Variants in BABAM2 observed in about 807,000 individuals in gnomAD.
The protein encoded by BABAM2 is BRISC and BRCA1-A complex member 2.
In BABAM2, 31 loss-of-function variants were observed where a neutral mutation model predicts 54.7. The ratio of observed to expected loss-of-function variants is 0.57; its 90% CI spans 0.43 to 0.77. The LOEUF (loss-of-function observed/expected upper bound fraction) is 0.77, where lower values mean the gene tolerates loss of function less well. Among genes scored for constraint, BABAM2 ranks in the 30% least tolerant of loss-of-function variants. The pLI, the probability that BABAM2 is intolerant of heterozygous loss-of-function variation, is 0.00. For missense variants in BABAM2, 364 were observed against 455.8 expected (o/e 0.80, Z 1.83); for synonymous variants, 167 against 162.9 (o/e 1.03, Z -0.19).
At chr2:27,890,152 C>T (rs1417582892), upstream of BABAM2, 3 of 1,012,860 alleles carry the variant, frequency 3.0e-6, no homozygotes, top group Non-Finnish European at 4.5e-6. This position sits in a 1 kb window ranked among gnomAD's most constrained non-coding sequence, Gnocchi z 4.8. Context: ...AAAGCTAGCA[C>T]TGTCTATCCC....
chr2:28,085,322 G>A (rs944111962), intron 6 of BABAM2, among the ~76,000 whole-genome samples: 5 of 152,104 alleles, frequency 3.3e-5, no homozygotes, highest in Non-Finnish European at 7.4e-5. Context: ...AATCTTTTAA[G>A]TCCACCAAAA....
chr2:28,108,498 T>C (rs143225729), intron 6 of BABAM2, among the ~76,000 whole-genome samples: 4 of 152,348 alleles, frequency 2.6e-5, no homozygotes, highest in East Asian at 1.9e-4. Flanking sequence ...ATTAAAGAAA[T>C]ATTCTTACTA....
Position 27,911,225 on chromosome 2 carries a change from C to T in BABAM2, c.128+16541C>T, listed in dbSNP as rs1404729606. On this transcript the variant is annotated intron_variant, in intron 2 of 11. Transcript: ENST00000379624. ...TTAGTAGTGTGGGAACAGACTAATA[C>T]ACTAGTATTATGAATAGTGCCATTT... Among the ~76,000 whole-genome samples, 5 of 152,144 alleles carry T rather than the reference C, an allele frequency of 3.3e-5. No homozygotes were observed. In the South Asian group the frequency reaches 6.2e-4, roughly 19 times the overall value.
intron 6 of BABAM2, among the ~76,000 whole-genome samples, chr2:28,086,185 A>T (rs1195645588): frequency 6.6e-6 from 1 of 152,224 alleles, no homozygotes; most frequent in Non-Finnish European, 1.5e-5. Flanking sequence ...TAGATGGAAG[A>T]ATTTGAATCT....
intron 5 of BABAM2, among the ~76,000 whole-genome samples, chr2:28,043,734 A>AC (rs1290672169): frequency 6.6e-6 from 1 of 152,086 alleles, no homozygotes; most frequent in Non-Finnish European, 1.5e-5. Flanking sequence ...CCAAAACCAC[A>AC]CCTTTTGGTA....
intron 7 of BABAM2, among the ~76,000 whole-genome samples, chr2:28,162,547 T>C (rs976533480): frequency 3.9e-5 from 6 of 152,224 alleles, no homozygotes; most frequent in Non-Finnish European, 8.8e-5. Context: ...CAGCGAATGA[T>C]AGCTCTTCCT....
chr2:28,226,870 A>T (rs1680938033), intron 7 of BABAM2, among the ~76,000 whole-genome samples: 1 of 151,978 alleles, frequency 6.6e-6, no homozygotes, highest in African/African-American at 2.4e-5. Flanking sequence ...TCTTAGGCCA[A>T]CCAGGCCAAT....
intron 7 of BABAM2, among the ~76,000 whole-genome samples, chr2:28,153,446 T>C (rs992834535): frequency 6.6e-6 from 1 of 152,244 alleles, no homozygotes; most frequent in African/African-American, 2.4e-5. Flanking sequence ...TTGTCTTTGG[T>C]CAAAACTTTG....
rs199528761 is a variant in BABAM2 at position 28,256,151 on chromosome 2, A to G, written c.934+11289A>G. Among the ~76,000 whole-genome samples the G allele has an allele frequency of 3.1e-4, 47 of 152,348 alleles. No homozygotes were observed. In the East Asian group the frequency reaches 8.5e-3, roughly 27 times the overall value. ...GTTATGATATAGAGATGTATCTATA[A>G]TCAGATATATCATTTCTTTAGCAGA... On this transcript the variant is annotated intron_variant, in intron 10 of 11. Coordinates refer to ENST00000379624, the MANE Select transcript of BABAM2 (RefSeq NM_199191.3).
intron 6 of BABAM2, among the ~76,000 whole-genome samples, chr2:28,095,230 G>C (rs540559531): frequency 6.6e-6 from 1 of 152,232 alleles, no homozygotes; most frequent in South Asian, 2.1e-4. Flanking sequence ...GAGTGGCAAA[G>C]CCAGGACATA....
chr2:28,318,333 C>G (rs112711092), intron 11 of BABAM2, among the ~76,000 whole-genome samples: 16 of 152,358 alleles, frequency 1.1e-4, no homozygotes, highest in African/African-American at 3.6e-4. Context: ...TATTGGAACA[C>G]AGCCATACCC....
At chr2:27,920,225 A>G (rs1667252608) in intron 2 of BABAM2, among the ~76,000 whole-genome samples, 1 of 152,192 alleles carries the variant, frequency 6.6e-6, no homozygotes, top group Non-Finnish European at 1.5e-5. Context: ...AAAAAGGTCT[A>G]AGACTTGACC....
At chr2:28,237,456 A>G (rs1416961416) in intron 8 of BABAM2, among the ~76,000 whole-genome samples, 155 bp downstream of exon 8, 1 of 152,098 alleles carries the variant, frequency 6.6e-6, no homozygotes, top group Non-Finnish European at 1.5e-5. Flanking sequence ...AATTACAGTT[A>G]ATCTGTTTCT....
chr2:28,026,841 T>TTTATATATATATAG (rs1464853005), intron 5 of BABAM2, among the ~76,000 whole-genome samples: 15 of 43,270 alleles, frequency 3.5e-4, no homozygotes, highest in South Asian at 1.2e-3. Flanking sequence ...TAAATATATA[T>TTTATATATATATAG]AAATATATAT....
intron 7 of BABAM2, among the ~76,000 whole-genome samples, chr2:28,232,667 G>A (rs1346935763): frequency 6.6e-6 from 1 of 152,160 alleles, no homozygotes; most frequent in Non-Finnish European, 1.5e-5. Flanking sequence ...GTAAGTATTT[G>A]TGTGTCTAAA....
intron 6 of BABAM2, among the ~76,000 whole-genome samples, chr2:28,058,870 C>T (rs1425189339): frequency 6.6e-6 from 1 of 152,064 alleles, no homozygotes; most frequent in Admixed American, 6.6e-5. Context: ...ATGTATTTTA[C>T]AAATCCATCA....
intron 5 of BABAM2, among the ~76,000 whole-genome samples, chr2:28,040,994 T>A (rs886789517): frequency 1.3e-5 from 2 of 152,206 alleles, no homozygotes; most frequent in Non-Finnish European, 2.9e-5. Context: ...AAATAGCTGG[T>A]AGAATAAAAA....
intron 11 of BABAM2, chr2:28,327,445 T>G (rs1169602892): frequency 6.3e-7 from 1 of 1,579,014 alleles, no homozygotes; most frequent in South Asian, 1.2e-5. Context: ...TTTGATCACT[T>G]TGGTAAGTAT....
At chr2:28,117,413 T>C (rs1668700457) in intron 6 of BABAM2, among the ~76,000 whole-genome samples, 1 of 152,236 alleles carries the variant, frequency 6.6e-6, no homozygotes, top group Non-Finnish European at 1.5e-5. Context: ...GGAAAACCAC[T>C]TCAAACCAGC....
Sources: allele counts gnomAD v4.1 joint callset (sites outside exome capture counted in the v4.1 genomes callset), GRCh38; gene constraint gnomAD v4.1.1; non-coding constraint Gnocchi (gnomAD v3.1); transcripts MANE v1.5; gene names NCBI Gene and HGNC (gene_info 2026-07-23, HGNC 2026-07-21).